The following ST8SIA2 variants were observed in gnomAD, a reference collection of about 807,000 sequenced individuals.
The protein encoded by ST8SIA2 is ST8 alpha-N-acetyl-neuraminide alpha-2,8-sialyltransferase 2, also known as alpha-2,8-sialyltransferase 8B.
Under a neutral mutation model 37.6 loss-of-function variants are expected in ST8SIA2, and 22 were observed. That is an observed-to-expected ratio of 0.58 (90% CI 0.42 to 0.83). The LOEUF is 0.83. Among genes scored for constraint, ST8SIA2 ranks in the 40% least tolerant of loss-of-function variants. The probability of loss-of-function intolerance (pLI) is 0.00; values close to 1 mark genes in which losing one functional copy is unlikely to be tolerated. For missense variants in ST8SIA2, 382 were observed against 484.7 expected, an observed-to-expected ratio of 0.79 and a Z score of 1.99; for synonymous variants, 205 against 201.2, an observed-to-expected ratio of 1.02 and a Z score of -0.16.
At chr15:92,451,788 C>T in intron 5 of ST8SIA2, among the ~76,000 whole-genome samples, 1 of 152,074 alleles carries the variant, frequency 6.6e-6, no homozygotes, top group Non-Finnish European at 1.5e-5. Flanking sequence ...GATAGGAAAA[C>T]TGAGCCTCAA....
At chr15:92,438,977 A>G (rs551744469) in intron 4 of ST8SIA2, among the ~76,000 whole-genome samples, 3 of 152,242 alleles carry the variant, frequency 2.0e-5, no homozygotes, top group South Asian at 2.1e-4. Context: ...ACCCGTTTTC[A>G]TATCATTGAT....
At chr15:92,425,382 G>A (rs1043109257) in intron 1 of ST8SIA2, among the ~76,000 whole-genome samples, 2 of 152,164 alleles carry the variant, frequency 1.3e-5, no homozygotes, top group African/African-American at 4.8e-5. Flanking sequence ...AAACTGCAGG[G>A]ACGACTTCAG....
Position 92,430,122 on chromosome 15 carries a change from T to C in ST8SIA2, c.161+11T>C. 1 of 1,613,606 alleles carries C rather than the reference T, an allele frequency of 6.2e-7. No individual in the cohort carries two copies. Reference sequence around the variant, plus strand: ...TAGCAAATCTAATAGGTTTGTAAATTAGATTTTGTGTTCATTTGTTTTTGC... The same window carrying C: ...TAGCAAATCTAATAGGTTTGTAAATCAGATTTTGTGTTCATTTGTTTTTGC... On this transcript the variant is annotated intron_variant, in intron 2 of 5. Coordinates refer to ENST00000268164, the MANE Select transcript of ST8SIA2 (RefSeq NM_006011.4).
intron 3 of ST8SIA2, among the ~76,000 whole-genome samples, chr15:92,435,727 CCTTA>C (rs1164773482): frequency 1.3e-5 from 2 of 152,112 alleles, no homozygotes; most frequent in East Asian, 1.9e-4. Flanking sequence ...ACCCTGCACT[CCTTA>C]CTTACCGCCT....
In ST8SIA2 at chr15:92,432,454, T is replaced by C. The variant is rs1297937837; in HGVS notation, c.162-1793T>C. On this transcript the variant is annotated intron_variant, in intron 2 of 5. Transcript: ENST00000268164. ...TTGAAAATTCCAGAACCTCACGAGA[T>C]GGATATCTGTCTCTTCTACACCTTG... Among the ~76,000 whole-genome samples the C allele has an allele frequency of 2.6e-5, 4 of 152,334 alleles. No individual in the cohort carries two copies. In the East Asian group the frequency reaches 7.7e-4, roughly 29 times the overall value.
At position 92,393,993 on chromosome 15, in the gene ST8SIA2, G is replaced by T; in HGVS notation, c.-72G>T. 8.6e-7 allele frequency: 1 copy of T among 1,163,134 alleles called. No homozygotes were observed. Among genetic ancestry groups the T allele is most frequent in the East Asian group, 3.6e-5 (1 of 27,822 alleles). The allele number at this position is 1,163,134 out of a possible 1,614,324, so 72.1% of individuals were successfully genotyped here. ...GCGCGCGGCGCGCGGAGGCTCCGGC[G>T]TCCGCCGCTGCGCCCTCCGGCCCCT... On this transcript the variant is annotated 5_prime_UTR_variant, in exon 1 of 6. Transcript: ENST00000268164.
intron 1 of ST8SIA2, among the ~76,000 whole-genome samples, chr15:92,403,547 G>C (rs1192664461): frequency 6.6e-6 from 1 of 152,168 alleles, no homozygotes; most frequent in South Asian, 2.1e-4. Flanking sequence ...GGGGAGGTGT[G>C]AGCACTTGTT....
intron 4 of ST8SIA2, among the ~76,000 whole-genome samples, chr15:92,440,164 T>C (rs1227634888): frequency 6.6e-6 from 1 of 152,192 alleles, no homozygotes; most frequent in Non-Finnish European, 1.5e-5. Context: ...TGCTACCCAT[T>C]TGTCACATGA....
chr15:92,393,892 G>GCCTGTC lies in ST8SIA2; in HGVS notation c.-172_-167dup, dbSNP rs1353536360. On this transcript the variant is annotated 5_prime_UTR_variant, in exon 1 of 6. Transcript: ENST00000268164. Reference sequence around the variant, plus strand: ...GGCTCGCCGCGCCTGAGCAACCCCTGCCTGTCGCTGCCGCTGCCGCTGCCG... The same window carrying GCCTGTC: ...GGCTCGCCGCGCCTGAGCAACCCCTGCCTGTCCCTGTCGCTGCCGCTGCCGCTGCCG... The GCCTGTC allele has an allele frequency of 8.4e-6, 2 of 238,622 alleles. No homozygotes were observed. Among genetic ancestry groups the GCCTGTC allele is most frequent in the African/African-American group, 2.3e-5 (1 of 42,750 alleles). The allele number at this position is 238,622 out of a possible 1,614,324, so 14.8% of individuals were successfully genotyped here. A position where few individuals can be genotyped will look rare whatever the true frequency, so the allele number is the denominator to read the frequency against.
chr15:92,451,680 G>T (rs750459270), intron 5 of ST8SIA2, among the ~76,000 whole-genome samples: 4 of 152,134 alleles, frequency 2.6e-5, no homozygotes, highest in Admixed American at 2.0e-4. Flanking sequence ...CAGCTGAGGG[G>T]CACATACTAC....
At chr15:92,437,248 T>C (rs971348932) in intron 3 of ST8SIA2, among the ~76,000 whole-genome samples, 4 of 152,248 alleles carry the variant, frequency 2.6e-5, no homozygotes, top group Non-Finnish European at 4.4e-5. Flanking sequence ...ACTCAATTCC[T>C]TTCTCTTTAT....
At chr15:92,400,358 T>C (rs2049461400) in intron 1 of ST8SIA2, among the ~76,000 whole-genome samples, 2 of 152,218 alleles carry the variant, frequency 1.3e-5, no homozygotes, top group African/African-American at 2.4e-5. Flanking sequence ...GCCTATTAAA[T>C]ATTTTTTGAA....
intron 5 of ST8SIA2, among the ~76,000 whole-genome samples, chr15:92,459,025 G>A (rs775610315): frequency 2.0e-5 from 3 of 152,162 alleles, no homozygotes; most frequent in Non-Finnish European, 2.9e-5. Flanking sequence ...AAGGCATCTA[G>A]GCGAGCACCC....
chr15:92,407,366 T>G (rs1237607542), intron 1 of ST8SIA2, among the ~76,000 whole-genome samples: 1 of 152,196 alleles, frequency 6.6e-6, no homozygotes, highest in Non-Finnish European at 1.5e-5. Flanking sequence ...ATTTATTACA[T>G]AAGTCCAAGG....
In ST8SIA2 at chr15:92,403,367, C is replaced by T. The variant is rs537936483; in HGVS notation, c.98+9205C>T. On this transcript the variant is annotated intron_variant, in intron 1 of 5. Transcript: ENST00000268164. ...TGCCCTGGGCCTCCTACACTTTATCCCGTTTTCTGTACCATGCAGAGAGTT... is the reference window on the plus strand; with the variant it reads ...TGCCCTGGGCCTCCTACACTTTATCTCGTTTTCTGTACCATGCAGAGAGTT... Among the ~76,000 whole-genome samples the T allele has an allele frequency of 1.9e-3, 288 of 152,244 alleles. 1 individual carries two copies. Among genetic ancestry groups the T allele is most frequent in the Non-Finnish European group, 1.7e-3 (118 of 68,026 alleles).
At chr15:92,459,041 G>A (rs567518763) in intron 5 of ST8SIA2, among the ~76,000 whole-genome samples, 101 of 152,260 alleles carry the variant, frequency 6.6e-4, no homozygotes, top group African/African-American at 2.4e-3. Flanking sequence ...CACCCAGCAC[G>A]TGTGGAGGCC....
At chr15:92,451,142 T>C (rs2049878816) in intron 5 of ST8SIA2, among the ~76,000 whole-genome samples, 1 of 152,226 alleles carries the variant, frequency 6.6e-6, no homozygotes, top group African/African-American at 2.4e-5. Flanking sequence ...TTAGGTCATT[T>C]GTATGAGGCC....
chr15:92,463,349 T>G (rs764625203), intron 5 of ST8SIA2, among the ~76,000 whole-genome samples: 1 of 151,964 alleles, frequency 6.6e-6, no homozygotes, highest in Non-Finnish European at 1.5e-5. Context: ...AGAAAGAGAG[T>G]GGGCAGAACC....
intron 1 of ST8SIA2, among the ~76,000 whole-genome samples, chr15:92,410,349 G>A (rs1301660445): frequency 6.6e-6 from 1 of 152,234 alleles, no homozygotes; most frequent in Non-Finnish European, 1.5e-5. Context: ...TATGGCAAGA[G>A]GAAGACAAGC....
Sources: gnomAD v4.1 joint callset for allele counts (sites outside exome capture counted in the v4.1 genomes callset) on GRCh38, gnomAD v4.1.1 for gene constraint, MANE v1.5 for transcripts, NCBI Gene and HGNC (gene_info 2026-07-23, HGNC 2026-07-21) for gene names.